The following PRMT8 variants were observed in gnomAD, a reference collection of about 807,000 sequenced individuals.
PRMT8 encodes the protein protein arginine methyltransferase 8.
PRMT8 carries 7 observed loss-of-function variants against 47.1 expected under a neutral mutation model. The ratio of observed to expected loss-of-function variants is 0.15; its 90% CI spans 0.08 to 0.28. PRMT8 has a LOEUF of 0.28. Ranked by LOEUF, PRMT8 falls within the 10% of genes least tolerant of loss-of-function variation. PRMT8 has a pLI of 1.00. For missense variants in PRMT8, 237 were observed against 505.4 expected, an observed-to-expected ratio of 0.47 and a Z score of 5.09; for synonymous variants, 188 against 186.5, an observed-to-expected ratio of 1.01 and a Z score of -0.07.
At chr12:3,454,567 G>A (rs1022225205) in intron 1 of PRMT8, among the ~76,000 whole-genome samples, 2 of 152,112 alleles carry the variant, frequency 1.3e-5, no homozygotes, top group East Asian at 1.9e-4. Context: ...GGGAAGACGG[G>A]GCGGGCAAGA....
chr12:3,397,932 C>T (rs929427487), intron 1 of PRMT8, among the ~76,000 whole-genome samples: 4 of 152,184 alleles, frequency 2.6e-5, no homozygotes, highest in Non-Finnish European at 2.9e-5. Flanking sequence ...TTTTTAAGCC[C>T]GTCGGAAAAG....
chr12:3,560,617 A>G (rs892071576), intron 4 of PRMT8, among the ~76,000 whole-genome samples: 17 of 152,268 alleles, frequency 1.1e-4, no homozygotes, highest in Non-Finnish European at 2.4e-4. Context: ...GTTTAACTCT[A>G]GAAACAAAAA....
rs1866826732 is a variant in PRMT8 at position 3,570,501 on chromosome 12, A to G, written c.712+937A>G. On this transcript the variant is annotated intron_variant, in intron 6 of 9. Transcript: ENST00000382622. This position sits in a 1 kb window ranked among gnomAD's most constrained non-coding sequence, Gnocchi z 5.5. ...TGGGCACATCTGCGGTTCCTGCCCC[A>G]ACAGGGTGGTCCATTCCTACTTGGC... Among the ~76,000 whole-genome samples the G allele has an allele frequency of 6.6e-6, 1 of 152,222 alleles. No homozygotes were observed. Among genetic ancestry groups the G allele is most frequent in the African/African-American group, 2.4e-5 (1 of 41,452 alleles).
At chr12:3,458,243 A>G (rs1279412010) in intron 1 of PRMT8, among the ~76,000 whole-genome samples, 1 of 152,180 alleles carries the variant, frequency 6.6e-6, no homozygotes. Flanking sequence ...AGAAAATATG[A>G]TGGTCACATG....
intron 1 of PRMT8, 151 bp downstream of exon 1, chr12:3,491,851 TG>T: frequency 5.1e-6 from 1 of 196,870 alleles, no homozygotes; most frequent in East Asian, 9.3e-5. Flanking sequence ...TGTGTGTGTG[TG>T]TGTGTGTGTG....
intron 1 of PRMT8, among the ~76,000 whole-genome samples, chr12:3,446,688 C>A (rs1864858902): frequency 6.6e-6 from 1 of 152,202 alleles, no homozygotes; most frequent in Non-Finnish European, 1.5e-5. Context: ...GATCCCTGGG[C>A]AAATGCCGGA....
chr12:3,590,921 G>A (rs917564), intron 8 of PRMT8, among the ~76,000 whole-genome samples: 18,149 of 152,208 alleles, frequency 0.12, 1,121 homozygotes, highest in Non-Finnish European at 0.13. Context: ...TGCAGTCCAT[G>A]GAGGATGCAG....
Position 3,540,613 on chromosome 12 carries a change from G to GGCCCCCCGCC in PRMT8, c.83_84insGCCCCCCGCC (p.Ser28ArgfsTer17). 2 of 1,130,522 alleles carry GGCCCCCCGCC rather than the reference G, an allele frequency of 1.8e-6. No homozygotes were observed. The highest frequency in any genetic ancestry group is 2.7e-6 in the Non-Finnish European group (2 of 752,492). The allele number at this position is 1,130,522 out of a possible 1,614,324, so 70.0% of individuals were successfully genotyped here. On this transcript the variant is annotated frameshift_variant, in exon 2 of 10. Transcript: ENST00000382622. LOFTEE classifies it high-confidence loss of function. The stretch of plus-strand genomic sequence containing the variant: ...CCCTTCTCTTCCCCTCAGGTGAACA[G>GGCCCCCCGCC]CCCCCCCTCCCAGCCCCCCCAGCCC...
chr12:3,480,267 G>A lies in PRMT8; in HGVS notation c.49-60339G>A, dbSNP rs11062671. On this transcript the variant is annotated intron_variant, in intron 1 of 9. Transcript: ENST00000452611. ...TTTTTAAAGAAAAACAACCTGGAAG[G>A]TAGGTAGGGTTGGTTATTCTTGAGG... is the stretch of plus-strand genomic sequence containing the variant. Among the ~76,000 whole-genome samples the A allele has an allele frequency of 3.0e-3, 453 of 152,320 alleles. 12 individuals are homozygous for A. The East Asian group carries it at 0.064, about 21-fold the overall frequency.
intron 1 of PRMT8, among the ~76,000 whole-genome samples, chr12:3,421,556 A>G (rs1005874564): frequency 3.9e-5 from 6 of 152,166 alleles, no homozygotes; most frequent in African/African-American, 1.4e-4. Flanking sequence ...TATAAAAGAC[A>G]CGGTTTTCAT....
At position 3,453,140 on chromosome 12, in the gene PRMT8, C is replaced by T. The variant is rs185830776; in HGVS notation, c.48+71698C>T. On this transcript the variant is annotated intron_variant, in intron 1 of 9. Coordinates refer to the PRMT8 transcript ENST00000452611. The surrounding 1 kb of genome is among the most constrained non-coding windows in gnomAD (Gnocchi z 4.9). ...AGGCTGGAGAGGAGAGGGGTCAGTC[C>T]GGGAGACCGTCCTGAAGAGTGGCCT... 2.1e-4 allele frequency among the ~76,000 whole-genome samples: 32 copies of T among 152,130 alleles called. No homozygotes were observed. The highest frequency in any genetic ancestry group is 1.4e-3 in the East Asian group (7 of 5,158).
chr12:3,539,953 G>A (rs1222291779), intron 1 of PRMT8, among the ~76,000 whole-genome samples: 4 of 152,188 alleles, frequency 2.6e-5, no homozygotes, highest in Non-Finnish European at 5.9e-5. Context: ...GCTTGATGCT[G>A]CCTGTTGAGT....
intron 1 of PRMT8, among the ~76,000 whole-genome samples, chr12:3,485,149 T>C (rs1218903155): frequency 6.6e-6 from 1 of 152,224 alleles, no homozygotes; most frequent in African/African-American, 2.4e-5. Context: ...ATCCATGCTC[T>C]GTTGCCCAGC....
At chr12:3,424,915 T>A (rs1864586051) in intron 1 of PRMT8, among the ~76,000 whole-genome samples, 1 of 152,220 alleles carries the variant, frequency 6.6e-6, no homozygotes, top group African/African-American at 2.4e-5. Context: ...GCTTTGGCCA[T>A]GCGTGGACCA....
chr12:3,432,265 C>A (rs1864689707), intron 1 of PRMT8, among the ~76,000 whole-genome samples: 1 of 152,144 alleles, frequency 6.6e-6, no homozygotes, highest in Non-Finnish European at 1.5e-5. Flanking sequence ...TTTTTGGTTT[C>A]ACTTTCCATT....
At chr12:3,475,571 C>T (rs770642005) in intron 1 of PRMT8, among the ~76,000 whole-genome samples, 52 of 152,194 alleles carry the variant, frequency 3.4e-4, no homozygotes, top group Non-Finnish European at 6.6e-4. Flanking sequence ...CTGTCCGCAG[C>T]GTCCTTATGT....
At chr12:3,433,506 T>C (rs1328983409) in intron 1 of PRMT8, among the ~76,000 whole-genome samples, 1 of 152,238 alleles carries the variant, frequency 6.6e-6, no homozygotes, top group Non-Finnish European at 1.5e-5. Context: ...TCTGAGGCAC[T>C]GAGCAGTTAC....
intron 1 of PRMT8, among the ~76,000 whole-genome samples, chr12:3,419,236 G>T (rs549456077): frequency 1.3e-5 from 2 of 152,302 alleles, no homozygotes; most frequent in African/African-American, 4.8e-5. Flanking sequence ...TTGGCTTTGT[G>T]CTGCTACCTG....
chr12:3,507,961 G>A (rs1865656163), intron 1 of PRMT8, among the ~76,000 whole-genome samples: 2 of 152,020 alleles, frequency 1.3e-5, no homozygotes, highest in Non-Finnish European at 2.9e-5. Context: ...CCACATTAAA[G>A]CTGTTGACCC....
Sources: allele counts gnomAD v4.1 joint callset (sites outside exome capture counted in the v4.1 genomes callset), GRCh38; gene constraint gnomAD v4.1.1; non-coding constraint Gnocchi (gnomAD v3.1); transcripts MANE v1.5; gene names NCBI Gene and HGNC (gene_info 2026-07-23, HGNC 2026-07-21).